RAB11FIP3: variants seen among roughly 807,000 people sequenced by gnomAD.
The protein encoded by RAB11FIP3 is RAB11 family interacting protein 3.
RAB11FIP3 carries 17 observed loss-of-function variants against 77.8 expected under a neutral mutation model. The ratio of observed to expected loss-of-function variants is 0.22; its 90% CI spans 0.15 to 0.33. The LOEUF (loss-of-function observed/expected upper bound fraction) is 0.33. RAB11FIP3 is among the 10% of genes least tolerant of loss of function. RAB11FIP3 has a pLI of 1.00. For missense variants in RAB11FIP3, 1,005 were observed against 1,011.2 expected, an observed-to-expected ratio of 0.99 and a Z score of 0.08; for synonymous variants, 437 against 448.2, an observed-to-expected ratio of 0.98 and a Z score of 0.31.
In RAB11FIP3 at chr16:510,745, C is replaced by G; in HGVS notation, c.1585C>G (p.Leu529Val). 6.2e-7 allele frequency: 1 copy of G among 1,613,386 alleles called. No individual in the cohort carries two copies. ...GGAAGAGACCCGGCGTCAGAAGGAG[C>G]TCCTGTGCAAGATGGAGAGGGAGAA... Reference protein sequence around the residue: ...VLEETRRQKELLCKMEREKSI... With the variant: ...VLEETRRQKEVLCKMEREKSI... Residue 529 changes from leucine (L) to valine (V), a missense_variant, in exon 9 of 14, where the codon CTC becomes GTC. Leu to Val is a conservative substitution (Grantham distance 32). Around this residue, in one of 4 missense-constraint regions of RAB11FIP3, gnomAD observed 433 missense variants for 436.1 expected, o/e 0.99. Transcript: ENST00000262305.
At chr16:495,181 C>T (rs1260212414) in intron 5 of RAB11FIP3, among the ~76,000 whole-genome samples, 1 of 152,180 alleles carries the variant, frequency 6.6e-6, no homozygotes, top group Non-Finnish European at 1.5e-5. Flanking sequence ...ATGTCACAGG[C>T]TATGGGAGTA....
At chr16:444,140 A>C (rs908764131) in intron 1 of RAB11FIP3, among the ~76,000 whole-genome samples, 2 of 152,148 alleles carry the variant, frequency 1.3e-5, no homozygotes, top group Non-Finnish European at 2.9e-5. Context: ...TCTGAAGTAC[A>C]TGGAGCCCTG....
intron 4 of RAB11FIP3, among the ~76,000 whole-genome samples, chr16:485,542 A>G (rs1026884961): frequency 1.3e-5 from 2 of 152,044 alleles, no homozygotes; most frequent in African/African-American, 4.8e-5. Context: ...CCTCCCAGGT[A>G]GCTGGGATTA....
rs1473242752 is a variant in RAB11FIP3 at position 426,860 on chromosome 16, T to C, written c.714+140T>C. On this transcript the variant is annotated intron_variant, in intron 1 of 13. Coordinates refer to ENST00000262305, the MANE Select transcript of RAB11FIP3 (RefSeq NM_014700.4). This position sits in a 1 kb window ranked among gnomAD's most constrained non-coding sequence, Gnocchi z 5.0. The stretch of plus-strand genomic sequence containing the variant: ...CTGACGGTCCTGCTTTTTCTGCTTA[T>C]TCACCACTTCGGCCCTGGATTTCTG... The C allele has an allele frequency of 1.8e-6, 1 of 570,418 alleles. No homozygotes were observed. Among genetic ancestry groups the C allele is most frequent in the Non-Finnish European group, 2.8e-6 (1 of 352,172 alleles). The allele number at this position is 570,418 out of a possible 1,614,324, so 35.3% of individuals were successfully genotyped here.
At chr16:458,392 C>T (rs1007755485) in intron 1 of RAB11FIP3, among the ~76,000 whole-genome samples, 1 of 152,050 alleles carries the variant, frequency 6.6e-6, no homozygotes, top group Non-Finnish European at 1.5e-5. Flanking sequence ...CACCACAGGG[C>T]CTAGGGGGCC....
At chr16:441,045 A>G (rs1192440233) in intron 1 of RAB11FIP3, among the ~76,000 whole-genome samples, 1 of 151,638 alleles carries the variant, frequency 6.6e-6, no homozygotes, top group African/African-American at 2.4e-5. Flanking sequence ...GGTTCAAGCG[A>G]TTCTCCCGCG....
At chr16:495,300 C>G (rs1437495792) in intron 5 of RAB11FIP3, among the ~76,000 whole-genome samples, 1 of 152,220 alleles carries the variant, frequency 6.6e-6, no homozygotes, top group Non-Finnish European at 1.5e-5. Flanking sequence ...GCTACAGTCA[C>G]TGCCACCCAG....
intron 6 of RAB11FIP3, 98 bp from the exon 7 acceptor site, chr16:502,906 C>T: frequency 2.0e-6 from 2 of 982,676 alleles, no homozygotes; most frequent in South Asian, 2.6e-5. Context: ...TGCAATGCTG[C>T]TGCCTGCTTT....
At position 426,651 on chromosome 16, in the gene RAB11FIP3, C is replaced by T. The variant is rs1426075149; in HGVS notation, c.645C>T (p.Asp215=). ...TCCGAGCCGTGTTCGATGCCCTGGA[C>T]GGGGATGGGGACGGTTTCGTCCGCA... The part of the protein sequence containing the change: ...PRLRAVFDAL[D]GDGDGFVRIE... The change falls in exon 1 of 14, where the codon GAC becomes GAT. Residue 215 remains aspartate (D), a synonymous_variant. Coordinates refer to ENST00000262305, the MANE Select transcript of RAB11FIP3 (RefSeq NM_014700.4). This position sits in a 1 kb window ranked among gnomAD's most constrained non-coding sequence, Gnocchi z 5.0. 6.3e-7 allele frequency: 1 copy of T among 1,578,954 alleles called. No individual in the cohort carries two copies.
chr16:502,783 C>A, intron 6 of RAB11FIP3: 1 of 572,298 alleles, frequency 1.7e-6, no homozygotes, highest in Admixed American at 3.4e-5. Context: ...CCACAGAGCA[C>A]GGCCTGCTTT....
Position 520,544 on chromosome 16 carries a change from C to G in RAB11FIP3, c.2102C>G (p.Ser701Cys), listed in dbSNP as rs1425286432. Residue 701 changes from serine to cysteine, a missense_variant, in exon 13 of 14, where the codon TCC becomes TGC. Physicochemically the swap from Ser to Cys is moderately radical, Grantham distance 112. Transcript: ENST00000262305. ...LSIQGAKSLF[S>C]TAFSESLAAE... ...ATCCAGGGCGCCAAGAGCCTCTTCT[C>G]CACAGCCTTCTCTGAGTCCCTGGCT... The G allele has an allele frequency of 6.2e-7, 1 of 1,613,748 alleles. No homozygotes were observed. The highest frequency in any genetic ancestry group is 8.5e-7 in the Non-Finnish European group (1 of 1,180,038).
At chr16:443,965 C>G (rs952253583) in intron 1 of RAB11FIP3, among the ~76,000 whole-genome samples, 1 of 152,178 alleles carries the variant, frequency 6.6e-6, no homozygotes, top group African/African-American at 2.4e-5. Context: ...GGCATATCAA[C>G]GGAGTTTCAG....
intron 4 of RAB11FIP3, among the ~76,000 whole-genome samples, chr16:485,328 T>C (rs1237433037): frequency 6.6e-6 from 1 of 152,194 alleles, no homozygotes; most frequent in East Asian, 1.9e-4. Context: ...GTCCTTTCGA[T>C]ATGAGTCCCT....
rs528593413 is a variant in RAB11FIP3 at position 429,320 on chromosome 16, T to A, written c.714+2600T>A. On this transcript the variant is annotated intron_variant, in intron 1 of 13. Transcript: ENST00000262305. ...TATTTCCAAAAGATACCGATTCTTT[T>A]AAAGACATTAATGATTTTTTTAAAA... Among the ~76,000 whole-genome samples, 4 of 152,206 alleles carry A rather than the reference T, an allele frequency of 2.6e-5. No homozygotes were observed. In the South Asian group the frequency reaches 6.2e-4, roughly 24 times the overall value.
rs56228402 is a variant in RAB11FIP3, at chr16:480,286, C to CAAAAA, written c.904-2223_904-2219dup. ...GGCAGGAAGAGTAAAACTCCTTCTCCAAAAAAAAAAAAAAAAAAAAGTTGA... is the reference window on the plus strand; with the variant it reads ...GGCAGGAAGAGTAAAACTCCTTCTCCAAAAAAAAAAAAAAAAAAAAAAAAAGTTGA... On this transcript the variant is annotated intron_variant, in intron 3 of 13. Transcript: ENST00000262305. Among the ~76,000 whole-genome samples the CAAAAA allele has an allele frequency of 3.7e-3, 295 of 80,004 alleles. 5 individuals carry two copies. The highest frequency in any genetic ancestry group is 6.2e-3 in the Admixed American group (39 of 6,284). The allele number at this position is 80,004 out of a possible 152,430, so 52.5% of individuals were successfully genotyped here. A position where few individuals can be genotyped will look rare whatever the true frequency, so the allele number is the denominator to read the frequency against.
intron 5 of RAB11FIP3, chr16:491,358 C>G: frequency 2.5e-6 from 3 of 1,216,620 alleles, no homozygotes; most frequent in Non-Finnish European, 3.2e-6. Flanking sequence ...TGCCCCGAGG[C>G]GACCAGGAGC....
rs930695264 is a variant in RAB11FIP3 at position 506,466 on chromosome 16, C to T, written c.1499+839C>T. ...CCTGCCCAGCTGCGCGGGCACATCC[C>T]GGCTCTTCCACATATTCTCAGCTCG... On this transcript the variant is annotated intron_variant, in intron 8 of 13. Transcript: ENST00000262305. The surrounding 1 kb of genome is among the most constrained non-coding windows in gnomAD (Gnocchi z 4.5). 1.3e-5 allele frequency among the ~76,000 whole-genome samples: 2 copies of T among 152,152 alleles called. No individual in the cohort carries two copies. Among genetic ancestry groups the T allele is most frequent in the Non-Finnish European group, 2.9e-5 (2 of 68,030 alleles).
At chr16:437,652 G>T (rs751816204) in intron 1 of RAB11FIP3, among the ~76,000 whole-genome samples, 4 of 151,298 alleles carry the variant, frequency 2.6e-5, no homozygotes, top group Admixed American at 2.6e-4. Context: ...GATGAGAGAC[G>T]TGCCAAGTAC....
intron 1 of RAB11FIP3, among the ~76,000 whole-genome samples, chr16:427,104 G>C (rs1212676564): frequency 6.6e-6 from 1 of 152,148 alleles, no homozygotes; most frequent in East Asian, 1.9e-4. Context: ...CCCACCCGAG[G>C]GCCCAGATAC....
Sources: gnomAD v4.1 joint callset for allele counts (sites outside exome capture counted in the v4.1 genomes callset) on GRCh38, gnomAD v4.1.1 for gene constraint, gnomAD v4.1.1 regional missense constraint, Gnocchi (gnomAD v3.1) non-coding constraint, MANE v1.5 for transcripts, NCBI Gene and HGNC (gene_info 2026-07-23, HGNC 2026-07-21) for gene names.